NCOR1: variants seen among roughly 807,000 people sequenced by gnomAD.
The protein encoded by NCOR1 is protein phosphatase 1, regulatory subunit 109.
NCOR1 carries 63 observed loss-of-function variants against 288.1 expected under a neutral mutation model. That is an observed-to-expected ratio of 0.22 (90% CI 0.18 to 0.27). The LOEUF (loss-of-function observed/expected upper bound fraction) is 0.27. Ranked by LOEUF, NCOR1 falls within the 10% of genes least tolerant of loss-of-function variation. The pLI is 1.00. For missense variants in NCOR1, 2,397 were observed against 3,019.2 expected, an observed-to-expected ratio of 0.79 and a Z score of 4.83; for synonymous variants, 1,007 against 1,065.9, an observed-to-expected ratio of 0.94 and a Z score of 1.08.
chr17:16,171,993 G>A lies in NCOR1; in HGVS notation c.245C>T (p.Pro82Leu). 5 of 1,546,014 alleles carry A rather than the reference G, an allele frequency of 3.2e-6. No individual in the cohort carries two copies. The highest frequency in any genetic ancestry group is 4.4e-6 in the Non-Finnish European group (5 of 1,147,076). The change falls in exon 4 of 46, where the codon CCT becomes CTT. Residue 82 changes from proline to leucine, a missense_variant and splice_region_variant. Around this residue, in one of 11 missense-constraint regions of NCOR1, gnomAD observed 110 missense variants for 123.2 expected, o/e 0.89. Transcript: ENST00000268712. The part of the protein sequence containing the change: ...LSEFHPGSDR[P>L]QERRTSYEPF... ...TTCATAACTAGTTCTCCTTTCTTGA[G>A]GCCTAATACATACAAAGAAAATAAA... is the stretch of plus-strand genomic sequence containing the variant.
intron 5 of NCOR1, 126 bp downstream of exon 5, chr17:16,164,853 C>T (rs2030168327): frequency 1.6e-6 from 1 of 615,296 alleles, no homozygotes; most frequent in South Asian, 3.4e-5. Flanking sequence ...AGCAAAAAAA[C>T]AGCAAGTCCG....
intron 16 of NCOR1, among the ~76,000 whole-genome samples, chr17:16,120,564 A>C (rs2072783681): frequency 6.6e-6 from 1 of 152,124 alleles, no homozygotes; most frequent in Admixed American, 6.6e-5. Flanking sequence ...ATACTTAATG[A>C]GAGAGAGAAA....
chr17:16,203,071 A>ACT (rs1555820750), intron 1 of NCOR1, among the ~76,000 whole-genome samples: 6 of 143,002 alleles, frequency 4.2e-5, no homozygotes, highest in African/African-American at 1.5e-4. Context: ...ACACACACAC[A>ACT]CTCTGAAGCT....
In NCOR1 at chr17:16,034,859, C is replaced by T. The variant is rs747092561; in HGVS notation, c.7041G>A (p.Thr2347=). 2.5e-6 allele frequency: 4 copies of T among 1,613,990 alleles called. No homozygotes were observed. In the Admixed American group the frequency reaches 5.0e-5, roughly 20 times the overall value. The stretch of plus-strand genomic sequence containing the variant: ...CAGAGGAGACTGAAGAGGGCCGTTC[C>T]GTTCCTAAGTAGCCTTGCCCAGGTA... ...SPIPGQGYLG[T]ERPSSVSSVH... The change falls in exon 45 of 46, where the codon ACG becomes ACA. Residue 2347 remains threonine (T), a synonymous_variant. Coordinates refer to ENST00000268712, the MANE Select transcript of NCOR1 (RefSeq NM_006311.4).
rs2076593366 is a variant in NCOR1, at chr17:16,137,467, T to A, written c.1408-55A>T. ...GATCCAATGAAATAAAGAAATTTTT[T>A]AATTAAATATTACTTCCAAGGAAAA... On this transcript the variant is annotated intron_variant, in intron 13 of 45. Transcript: ENST00000268712. 3.0e-5 allele frequency: 28 copies of A among 933,436 alleles called. No individual in the cohort carries two copies. The South Asian group carries it at 3.8e-4, about 13-fold the overall frequency. 57.8% of individuals were successfully genotyped at this position (933,436 alleles called of 1,614,324 possible). A position where few individuals can be genotyped will look rare whatever the true frequency, so the allele number is the denominator to read the frequency against.
At position 16,086,426 on chromosome 17, in the gene NCOR1, T is replaced by C. The variant is rs747444720; in HGVS notation, c.3033A>G (p.Pro1011=). The C allele has an allele frequency of 5.7e-5, 92 of 1,613,540 alleles. No individual in the cohort carries two copies. The South Asian group carries it at 8.1e-4, about 14-fold the overall frequency. The stretch of plus-strand genomic sequence containing the variant: ...CAGGGAGATTAGTTATCACTTGATG[T>C]GGAGCAGGCTGAAGGACTTTTAAAA... The part of the protein sequence containing the change: ...NREWEVLQPA[P]HQVITNLPEG... Residue 1011 remains proline, a synonymous_variant, in exon 23 of 46, where the codon CCA becomes CCG. Transcript: ENST00000268712.
intron 44 of NCOR1, among the ~76,000 whole-genome samples, chr17:16,037,885 T>A (rs188311797): frequency 6.6e-6 from 1 of 152,228 alleles, no homozygotes; most frequent in African/African-American, 2.4e-5. Flanking sequence ...AGAGCCCAGG[T>A]CATCAGCAAA....
At chr17:16,100,388 T>C (rs1195072963) in intron 20 of NCOR1, among the ~76,000 whole-genome samples, 5 of 152,254 alleles carry the variant, frequency 3.3e-5, no homozygotes, top group Admixed American at 6.5e-5. Context: ...TGCCTGTAAT[T>C]CCAGCACTTT....
intron 1 of NCOR1, among the ~76,000 whole-genome samples, chr17:16,210,257 G>C (rs1039388876): frequency 1.3e-5 from 2 of 151,998 alleles, no homozygotes; most frequent in Non-Finnish European, 2.9e-5. Context: ...GGTGGTGCAT[G>C]CCTGTAATCC....
In NCOR1 at chr17:16,091,966, T is replaced by C; in HGVS notation, c.2913A>G (p.Ala971=). Residue 971 remains alanine (A), a synonymous_variant, in exon 22 of 46, where the codon GCA becomes GCG. Transcript: ENST00000268712. Reference sequence around the variant, plus strand: ...GTCTCTGCCGCTGCTCCTCCAGGAGTGCTGACTCATGCATTGCTTTAATGT... The same window carrying C: ...GTCTCTGCCGCTGCTCCTCCAGGAGCGCTGACTCATGCATTGCTTTAATGT... ...QRHIKAMHES[A]LLEEQRQRQE... is the part of the protein sequence containing the mutation. 6.2e-7 allele frequency: 1 copy of C among 1,614,206 alleles called. No homozygotes were observed. Among genetic ancestry groups the C allele is most frequent in the Non-Finnish European group, 8.5e-7 (1 of 1,180,038 alleles).
In NCOR1 at chr17:16,143,784, T is replaced by C. The variant is rs553552613; in HGVS notation, c.1083-88A>G. On this transcript the variant is annotated intron_variant, in intron 10 of 45. Coordinates refer to ENST00000268712, the MANE Select transcript of NCOR1 (RefSeq NM_006311.4). ...ATTAACTATAGATTACTTTTCTGAATGGAACTTTTTAACCAAGTTAAGAGA... is the reference window on the plus strand; with the variant it reads ...ATTAACTATAGATTACTTTTCTGAACGGAACTTTTTAACCAAGTTAAGAGA... 1.2e-5 allele frequency: 12 copies of C among 965,784 alleles called. No homozygotes were observed. In the East Asian group the frequency reaches 1.9e-4, roughly 15 times the overall value. 59.8% of individuals were successfully genotyped at this position (965,784 alleles called of 1,614,324 possible).
At chr17:16,102,737 G>A (rs2067867425) in intron 19 of NCOR1, among the ~76,000 whole-genome samples, 2 of 152,082 alleles carry the variant, frequency 1.3e-5, no homozygotes, top group Admixed American at 6.5e-5. Context: ...GGGATTATAG[G>A]TGCCTGGCAC....
At chr17:16,126,003 G>C (rs2073976054) in intron 15 of NCOR1, 79 bp downstream of exon 15, 2 of 741,770 alleles carry the variant, frequency 2.7e-6, no homozygotes, top group South Asian at 5.8e-5. Flanking sequence ...TGTGACAACT[G>C]TACTCCCTAT....
chr17:16,143,248 T>C (rs1318697978), intron 11 of NCOR1, among the ~76,000 whole-genome samples: 4 of 152,214 alleles, frequency 2.6e-5, no homozygotes, highest in Non-Finnish European at 5.9e-5. Context: ...CATTCTATTC[T>C]TCCTCTTTCT....
At position 16,031,459 on chromosome 17, in the gene NCOR1, A is replaced by G. The variant is rs1246438778; in HGVS notation, c.*837T>C. On this transcript the variant is annotated 3_prime_UTR_variant, in exon 46 of 46. Transcript: ENST00000268712. ...ACAAAAGCTTTGTTGGGCTGCATCA[A>G]ATGCAGGAGAAAAGGAATACTTAGG... 8 of 197,414 alleles carry G rather than the reference A, an allele frequency of 4.1e-5. No homozygotes were observed. The highest frequency in any genetic ancestry group is 1.8e-4 in the African/African-American group (8 of 43,482). The allele number at this position is 197,414 out of a possible 1,614,324, so 12.2% of individuals were successfully genotyped here.
At chr17:16,040,576 A>G in intron 42 of NCOR1, 82 bp from the exon 43 acceptor site, 4 of 1,136,638 alleles carry the variant, frequency 3.5e-6, no homozygotes, top group Non-Finnish European at 5.1e-6. Context: ...TTCCTATAAT[A>G]AAATTAATCT....
chr17:16,095,093 C>T (rs2066162111), intron 21 of NCOR1, among the ~76,000 whole-genome samples: 2 of 150,962 alleles, frequency 1.3e-5, no homozygotes. Context: ...CGTCTCTGCC[C>T]GGCCGCCATC....
At chr17:16,181,207 ATGTATGTGTGTG>A (rs1600085787) in intron 3 of NCOR1, among the ~76,000 whole-genome samples, 1 of 85,720 alleles carries the variant, frequency 1.2e-5, no homozygotes, top group African/African-American at 4.4e-5. Context: ...ATACATATAT[ATGTATGTGTGTG>A]TGTGTGTGTG....
chr17:16,041,759 C>T (rs965697121), intron 42 of NCOR1, among the ~76,000 whole-genome samples: 5 of 148,420 alleles, frequency 3.4e-5, no homozygotes, highest in East Asian at 2.0e-4. Flanking sequence ...ATTTTTAAGA[C>T]GGAGTCTCAC....
Sources: allele counts gnomAD v4.1 joint callset (sites outside exome capture counted in the v4.1 genomes callset), GRCh38; gene constraint gnomAD v4.1.1; regional missense constraint gnomAD v4.1.1; transcripts MANE v1.5; gene names NCBI Gene and HGNC (gene_info 2026-07-23, HGNC 2026-07-21).